The following AKAP1 variants were observed in gnomAD, a reference collection of about 807,000 sequenced individuals.
The protein encoded by AKAP1 is A-kinase anchoring protein 1, also known as A-kinase anchor protein 1, mitochondrial.
A neutral mutation model predicts 79.8 loss-of-function variants in AKAP1; 32 were observed. The ratio of observed to expected loss-of-function variants is 0.40; its 90% confidence interval spans 0.30 to 0.54. The LOEUF is 0.54. Among genes scored for constraint, AKAP1 ranks in the 20% least tolerant of loss-of-function variants. The pLI, the probability that AKAP1 is intolerant of heterozygous loss-of-function variation, is 0.47. For missense variants in AKAP1, 961 were observed against 1,138.9 expected, an observed-to-expected ratio of 0.84 and a Z score of 2.25; for synonymous variants, 416 against 466.7, an observed-to-expected ratio of 0.89 and a Z score of 1.40.
intron 1 of AKAP1, among the ~76,000 whole-genome samples, chr17:57,088,662 G>C (rs969127737): frequency 6.6e-6 from 1 of 152,188 alleles, no homozygotes; most frequent in Non-Finnish European, 1.5e-5. Context: ...TCTTTCTGCT[G>C]CTTTCTAAGT....
rs759948099 is a variant in AKAP1, at chr17:57,105,538, T to C, written c.74T>C (p.Phe25Ser). 8.7e-6 allele frequency: 14 copies of C among 1,613,972 alleles called. No homozygotes were observed. The highest frequency in any genetic ancestry group is 1.2e-5 in the Non-Finnish European group (14 of 1,179,980). Residue 25 changes from phenylalanine to serine, a missense_variant, in exon 2 of 11, where the codon TTT becomes TCT. Transcript: ENST00000337714. ...GMLALLGWWW[F>S]FSRKKGHVSS... ...CTGGCGCTCCTCGGCTGGTGGTGGT[T>C]TTTCTCTCGTAAAAAAGGCCATGTC...
At chr17:57,107,985 C>A (rs776149278) in intron 2 of AKAP1, 1 of 1,288,974 alleles carries the variant, frequency 7.8e-7, no homozygotes, top group East Asian at 5.5e-5. Context: ...ACTTTGATAA[C>A]GAGGTGTCCT....
intron 3 of AKAP1, among the ~76,000 whole-genome samples, chr17:57,111,397 G>T (rs1915238359): frequency 6.6e-6 from 1 of 152,260 alleles, no homozygotes; most frequent in Non-Finnish European, 1.5e-5. Flanking sequence ...GAGAAACTGT[G>T]TGCTGGTGAA....
In AKAP1 at chr17:57,106,460, T is replaced by G. The variant is rs762715176; in HGVS notation, c.996T>G (p.Asp332Glu). 1.2e-6 allele frequency: 2 copies of G among 1,608,540 alleles called. No homozygotes were observed. The highest frequency in any genetic ancestry group is 2.2e-5 in the South Asian group (2 of 90,784). Residue 332 changes from aspartate (D) to glutamate (E), a missense_variant, in exon 2 of 11, where the codon GAT (aspartate) becomes GAG (glutamate). By Grantham distance (45) the Asp-to-Glu change is conservative (BLOSUM62 2). Transcript: ENST00000337714. ...EGLDRNEESL[D>E]RNEEGLDRNE... Reference sequence around the variant, plus strand: ...TGGATAGAAATGAGGAGAGCTTGGATAGAAATGAGGAGGGCTTGGATAGAA... The same window carrying G: ...TGGATAGAAATGAGGAGAGCTTGGAGAGAAATGAGGAGGGCTTGGATAGAA...
Position 57,110,051 on chromosome 17 carries a change from G to A in AKAP1, c.1741G>A (p.Val581Met), listed in dbSNP as rs372634585. The change falls in exon 3 of 11, where the codon GTG becomes ATG. Residue 581 changes from valine to methionine, a missense_variant. Around this residue, in one of 3 missense-constraint regions of AKAP1, gnomAD observed 629 missense variants for 781.1 expected, o/e 0.81. Transcript: ENST00000337714. ...TTCTGACAGGAACAGCATGGATTCC[G>A]TGGATAGCTGTTGCAGTCTCAAGAA... ...GGSDRNSMDS[V>M]DSCCSLKKTE... The A allele has an allele frequency of 1.1e-5, 17 of 1,613,966 alleles. No homozygotes were observed. The highest frequency in any genetic ancestry group is 1.6e-4 in the Middle Eastern group (1 of 6,068).
chr17:57,090,045 TCTG>T (rs773544053), intron 1 of AKAP1, among the ~76,000 whole-genome samples: 23 of 152,340 alleles, frequency 1.5e-4, no homozygotes, highest in Non-Finnish European at 3.2e-4. Flanking sequence ...GTGTTTTCAT[TCTG>T]CTGTTTCCAG....
chr17:57,110,449 T>C (rs1915171326), intron 3 of AKAP1, among the ~76,000 whole-genome samples: 1 of 148,344 alleles, frequency 6.7e-6, no homozygotes, highest in Non-Finnish European at 1.5e-5. Context: ...ATTCTGGGGC[T>C]CAGATCTATT....
chr17:57,110,270 G>A, intron 3 of AKAP1, 112 bp downstream of exon 3: 1 of 1,446,260 alleles, frequency 6.9e-7, no homozygotes, highest in African/African-American at 1.4e-5. Flanking sequence ...TAAACCAGAA[G>A]GAGCCCTGGG....
At chr17:57,108,911 C>G (rs994538164) in intron 2 of AKAP1, among the ~76,000 whole-genome samples, 1 of 152,224 alleles carries the variant, frequency 6.6e-6, no homozygotes, top group Non-Finnish European at 1.5e-5. Flanking sequence ...CTCGCCCAGC[C>G]CCTGTCAGCC....
chr17:57,114,622 C>T lies in AKAP1; in HGVS notation c.2267C>T (p.Pro756Leu). The T allele has an allele frequency of 6.2e-7, 1 of 1,613,952 alleles. No individual in the cohort carries two copies. Among genetic ancestry groups the T allele is most frequent in the Non-Finnish European group, 8.5e-7 (1 of 1,179,960 alleles). The change falls in exon 6 of 11, where the codon CCC becomes CTC. Residue 756 changes from proline to leucine, a missense_variant. This residue lies in a region of AKAP1 where 629 missense variants were observed against 781.1 expected (regional missense o/e 0.81). Transcript: ENST00000337714. Reference protein sequence around the residue: ...CYSQPGIPTLPTPVEITVICA... With the variant: ...CYSQPGIPTLLTPVEITVICA... Reference sequence around the variant, plus strand: ...TCTCAGCCTGGAATCCCCACCTTGCCCACCCCAGTGGAAAGTAAGCAGTGC... The same window carrying T: ...TCTCAGCCTGGAATCCCCACCTTGCTCACCCCAGTGGAAAGTAAGCAGTGC...
Position 57,105,464 on chromosome 17 carries a change from G to A in AKAP1, c.-1G>A, listed in dbSNP as rs1415439383. On this transcript the variant is annotated 5_prime_UTR_variant, in exon 2 of 11. Transcript: ENST00000337714. ...AGGTGTAATTACTTCAAGCCTCCAG[G>A]ATGGCAATCCAGTTCCGTTCGCTCT... 3 of 1,614,036 alleles carry A rather than the reference G, an allele frequency of 1.9e-6. 1 individual carries two copies. The South Asian group carries it at 3.3e-5, about 18-fold the overall frequency.
At chr17:57,113,148 G>T (rs11079278) in intron 5 of AKAP1, among the ~76,000 whole-genome samples, 22,451 of 152,200 alleles carry the variant, frequency 0.15, 2,395 homozygotes, top group African/African-American at 0.3. Context: ...AGTGACTCTT[G>T]GGAGGTTGCC....
chr17:57,102,809 T>C (rs1018061843), intron 1 of AKAP1, among the ~76,000 whole-genome samples: 1 of 152,118 alleles, frequency 6.6e-6, no homozygotes, highest in Non-Finnish European at 1.5e-5. Flanking sequence ...AGTAATTCAT[T>C]TGGCTGGGCA....
chr17:57,100,566 G>A (rs539663382), intron 1 of AKAP1, among the ~76,000 whole-genome samples: 4 of 152,252 alleles, frequency 2.6e-5, no homozygotes, highest in South Asian at 4.1e-4. Context: ...GCTGTAAGCC[G>A]AGATCGTGCC....
chr17:57,106,889 G>A lies in AKAP1; in HGVS notation c.1425G>A (p.Pro475=), dbSNP rs73991772. 15,007 of 1,613,822 alleles carry A rather than the reference G, an allele frequency of 9.3e-3. 83 individuals carry two copies. Among genetic ancestry groups the A allele is most frequent in the African/African-American group, 0.023 (1,761 of 75,044 alleles). The change falls in exon 2 of 11, where the codon CCG becomes CCA. Residue 475 remains proline, a synonymous_variant. Coordinates refer to ENST00000337714, the MANE Select transcript of AKAP1 (RefSeq NM_003488.4). ...LALTTPSEEL[P]DRAGILVEDA... is the part of the protein sequence containing the mutation. ...TGACCACCCCCAGTGAAGAGTTGCC[G>A]GACCGGGCAGGCATCCTGGTGGAAG...
intron 1 of AKAP1, among the ~76,000 whole-genome samples, chr17:57,100,474 A>G (rs1050937917): frequency 6.9e-6 from 1 of 144,296 alleles, no homozygotes; most frequent in Non-Finnish European, 1.5e-5. Context: ...AACATTAGCC[A>G]GGCATGGTGC....
chr17:57,116,716 T>A, intron 7 of AKAP1, 144 bp from the exon 8 acceptor site: 1 of 769,148 alleles, frequency 1.3e-6, no homozygotes, highest in South Asian at 1.6e-5. Context: ...GGGTGTGCTG[T>A]GAGCCGTGGC....
chr17:57,118,912 C>A (rs935422242), intron 9 of AKAP1, 70 bp from the exon 10 acceptor site: 1 of 1,524,984 alleles, frequency 6.6e-7, no homozygotes, highest in Non-Finnish European at 9.1e-7. Context: ...ATGGAGATGA[C>A]AATTCAAGAT....
At chr17:57,116,988 T>C (rs1915628011) in intron 8 of AKAP1, 61 bp downstream of exon 8, 2 of 1,482,202 alleles carry the variant, frequency 1.3e-6, no homozygotes, top group Non-Finnish European at 1.9e-6. Flanking sequence ...AGTAGGTCTT[T>C]CTCAGAGCCT....
Sources: allele counts gnomAD v4.1 joint callset (sites outside exome capture counted in the v4.1 genomes callset), GRCh38; gene constraint gnomAD v4.1.1; regional missense constraint gnomAD v4.1.1; transcripts MANE v1.5; gene names NCBI Gene and HGNC (gene_info 2026-07-23, HGNC 2026-07-21).